AGAP1: variants seen among roughly 807,000 people sequenced by gnomAD.
The protein encoded by AGAP1 is arf-GAP with GTPase, ANK repeat and PH domain-containing protein 1.
AGAP1 carries 29 observed loss-of-function variants against 105.3 expected under a neutral mutation model. That is an observed-to-expected ratio of 0.28 (90% CI 0.21 to 0.38). The LOEUF is 0.38. Ranked by LOEUF, AGAP1 falls within the 10% of genes least tolerant of loss-of-function variation. The pLI, the probability that AGAP1 is intolerant of heterozygous loss-of-function variation, is 1.00. For missense variants in AGAP1, 998 were observed against 1,165.1 expected, an observed-to-expected ratio of 0.86 and a Z score of 2.09; for synonymous variants, 509 against 485.9, an observed-to-expected ratio of 1.05 and a Z score of -0.63.
rs1305420282 is a variant in AGAP1, at chr2:235,747,845, C to T, written c.539-2509C>T. Among the ~76,000 whole-genome samples, 1 of 152,158 alleles carries T rather than the reference C, an allele frequency of 6.6e-6. No homozygotes were observed. The highest frequency in any genetic ancestry group is 2.1e-4 in the South Asian group (1 of 4,830). ...CTTCCTGCTGCTTTGGGGTAGGCAG[C>T]GTTAGAGGTCAGAGCATATGGGATG... On this transcript the variant is annotated intron_variant, in intron 5 of 17. Coordinates refer to ENST00000304032, the MANE Select transcript of AGAP1 (RefSeq NM_001037131.3). The surrounding 1 kb of genome is among the most constrained non-coding windows in gnomAD (Gnocchi z 5.0).
chr2:236,075,659 T>A, intron 16 of AGAP1, among the ~76,000 whole-genome samples: 1 of 152,160 alleles, frequency 6.6e-6, no homozygotes, highest in Non-Finnish European at 1.5e-5. Context: ...GAGGAGCTGC[T>A]TTCTCCTCCG....
Position 235,720,235 on chromosome 2 carries a change from A to G in AGAP1, c.310+2591A>G, listed in dbSNP as rs1951312314. On this transcript the variant is annotated intron_variant, in intron 3 of 17. Coordinates refer to ENST00000304032, the MANE Select transcript of AGAP1 (RefSeq NM_001037131.3). The surrounding 1 kb of genome is among the most constrained non-coding windows in gnomAD (Gnocchi z 5.0). The stretch of plus-strand genomic sequence containing the variant: ...AGCCTGTACCTGGAAAGTGATTTCA[A>G]TTTTTGTCCAGTGAGTTAGTGTTGA... Among the ~76,000 whole-genome samples the G allele has an allele frequency of 6.6e-6, 1 of 152,146 alleles. No individual in the cohort carries two copies. The highest frequency in any genetic ancestry group is 2.4e-5 in the African/African-American group (1 of 41,442).
rs540208175 is a variant in AGAP1, at chr2:236,032,880, T to C, written c.1646-3681T>C. Among the ~76,000 whole-genome samples, 64 of 152,116 alleles carry C rather than the reference T, an allele frequency of 4.2e-4. No individual in the cohort carries two copies. The Middle Eastern group carries it at 0.01, about 24-fold the overall frequency. ...GGAGAGACAGAAATGTTGAGTGACA[T>C]AGAAGATACTAGACAAGGGAACTTT... is the stretch of plus-strand genomic sequence containing the variant. On this transcript the variant is annotated intron_variant, in intron 13 of 17. Coordinates refer to ENST00000304032, the MANE Select transcript of AGAP1 (RefSeq NM_001037131.3).
chr2:235,683,585 GA>G (rs1559346299), intron 1 of AGAP1, among the ~76,000 whole-genome samples: 2 of 151,470 alleles, frequency 1.3e-5, no homozygotes, highest in African/African-American at 4.8e-5. Flanking sequence ...TAAAATTTAG[GA>G]ATAACTTGTT....
Position 235,865,528 on chromosome 2 carries a change from A to G in AGAP1, c.1051-17817A>G, listed in dbSNP as rs978216203. On this transcript the variant is annotated intron_variant, in intron 9 of 17. Coordinates refer to ENST00000304032, the MANE Select transcript of AGAP1 (RefSeq NM_001037131.3). This position sits in a 1 kb window ranked among gnomAD's most constrained non-coding sequence, Gnocchi z 6.2. Reference sequence around the variant, plus strand: ...ACGACAGAAATATTACTCGCCGGAAAGGGGAGGGGGTCTTTGGGGAGCTGG... The same window carrying G: ...ACGACAGAAATATTACTCGCCGGAAGGGGGAGGGGGTCTTTGGGGAGCTGG... Among the ~76,000 whole-genome samples, 3 of 152,196 alleles carry G rather than the reference A, an allele frequency of 2.0e-5. No homozygotes were observed.
intron 9 of AGAP1, among the ~76,000 whole-genome samples, chr2:235,815,271 A>G (rs1422327051): frequency 6.6e-6 from 1 of 152,192 alleles, no homozygotes; most frequent in Non-Finnish European, 1.5e-5. Context: ...CTGGAGGTCC[A>G]AGACAAGGCC....
intron 1 of AGAP1, among the ~76,000 whole-genome samples, chr2:235,682,310 C>CT (rs1949120938): frequency 6.6e-6 from 1 of 151,940 alleles, no homozygotes; most frequent in South Asian, 2.1e-4. Context: ...AATGAGGCGT[C>CT]TGGAACCAGG....
chr2:235,859,604 C>G (rs542641936), intron 9 of AGAP1, among the ~76,000 whole-genome samples: 74 of 150,556 alleles, frequency 4.9e-4, no homozygotes, highest in African/African-American at 1.7e-3. Flanking sequence ...CTGACTATAC[C>G]TTAACACAAT....
Position 235,800,417 on chromosome 2 carries a change from G to A in AGAP1, c.957+895G>A, listed in dbSNP as rs188621272. Among the ~76,000 whole-genome samples, 123 of 152,170 alleles carry A rather than the reference G, an allele frequency of 8.1e-4. 1 individual carries two copies. In the East Asian group the frequency reaches 0.019, roughly 24 times the overall value. ...TGCACAGCCAGCATGTGAAGTGCTT[G>A]AAAACTCCCTGGGTGATTGAGATGC... On this transcript the variant is annotated intron_variant, in intron 8 of 17. Transcript: ENST00000304032.
Position 235,864,780 on chromosome 2 carries a change from C to G in AGAP1, c.1051-18565C>G, listed in dbSNP as rs957726557. Among the ~76,000 whole-genome samples, 2 of 151,992 alleles carry G rather than the reference C, an allele frequency of 1.3e-5. No individual in the cohort carries two copies. The highest frequency in any genetic ancestry group is 4.8e-5 in the African/African-American group (2 of 41,384). ...GTTTCCTTTTCCTTTTCTTTTCTTT[C>G]CTTTGGATGGAGGAGGTTTGGTTTG... On this transcript the variant is annotated intron_variant, in intron 9 of 17. Coordinates refer to ENST00000304032, the MANE Select transcript of AGAP1 (RefSeq NM_001037131.3). This position sits in a 1 kb window ranked among gnomAD's most constrained non-coding sequence, Gnocchi z 5.0.
At position 235,627,681 on chromosome 2, in the gene AGAP1, T is replaced by C. The variant is rs574003051; in HGVS notation, c.164-81498T>C. 3.9e-5 allele frequency among the ~76,000 whole-genome samples: 6 copies of C among 152,168 alleles called. No individual in the cohort carries two copies. The South Asian group carries it at 6.2e-4, about 16-fold the overall frequency. ...TCTGTGTCCCCCAGATTGCCCAGGA[T>C]AGTAATAGTAAAATGCCTCGTCCCC... On this transcript the variant is annotated intron_variant, in intron 1 of 17. Transcript: ENST00000304032.
In AGAP1 at chr2:235,737,834, C is replaced by A. The variant is rs1952340882; in HGVS notation, c.311-3129C>A. Among the ~76,000 whole-genome samples the A allele has an allele frequency of 6.6e-6, 1 of 152,070 alleles. No individual in the cohort carries two copies. The highest frequency in any genetic ancestry group is 1.5e-5 in the Non-Finnish European group (1 of 68,020). On this transcript the variant is annotated intron_variant, in intron 3 of 17. Transcript: ENST00000304032. The surrounding 1 kb of genome is among the most constrained non-coding windows in gnomAD (Gnocchi z 4.5). Reference sequence around the variant, plus strand: ...CTCCCTTCTTGCTCTGGAGGTGACACAGTCTAGGGATCTAGTGAGGAATGG... The same window carrying A: ...CTCCCTTCTTGCTCTGGAGGTGACAAAGTCTAGGGATCTAGTGAGGAATGG...
At chr2:236,057,364 C>T (rs186205519) in intron 16 of AGAP1, among the ~76,000 whole-genome samples, 2 of 152,332 alleles carry the variant, frequency 1.3e-5, no homozygotes, top group Admixed American at 1.3e-4. Flanking sequence ...CTGCCTTGGC[C>T]CCCCAAAGTG....
At chr2:235,856,192 G>A (rs1302096177) in intron 9 of AGAP1, among the ~76,000 whole-genome samples, 2 of 152,188 alleles carry the variant, frequency 1.3e-5, no homozygotes, top group African/African-American at 4.8e-5. Context: ...GATTACAGGC[G>A]TGAGCCACCG....
In AGAP1 at chr2:235,901,778, C is replaced by G. The variant is rs1246209281; in HGVS notation, c.1156-6960C>G. ...CCTGTAATCCCAGCTACTCAGGAGG[C>G]TGAGGCAGTAGAATCACTTGAACCC... On this transcript the variant is annotated intron_variant, in intron 10 of 17. Coordinates refer to ENST00000304032, the MANE Select transcript of AGAP1 (RefSeq NM_001037131.3). This position sits in a 1 kb window ranked among gnomAD's most constrained non-coding sequence, Gnocchi z 4.3. Among the ~76,000 whole-genome samples, 1 of 151,832 alleles carries G rather than the reference C, an allele frequency of 6.6e-6. No individual in the cohort carries two copies. Among genetic ancestry groups the G allele is most frequent in the Non-Finnish European group, 1.5e-5 (1 of 67,984 alleles).
chr2:236,006,981 A>G (rs2056342963), intron 13 of AGAP1, among the ~76,000 whole-genome samples: 2 of 152,324 alleles, frequency 1.3e-5, no homozygotes, highest in East Asian at 1.9e-4. Flanking sequence ...CCAGATTAAT[A>G]ATGACCTTGT....
rs1159183450 is a variant in AGAP1, at chr2:236,051,590, A to G, written c.2114+2309A>G. On this transcript the variant is annotated intron_variant, in intron 16 of 17. Transcript: ENST00000304032. The surrounding 1 kb of genome is among the most constrained non-coding windows in gnomAD (Gnocchi z 5.9). The stretch of plus-strand genomic sequence containing the variant: ...AGGTGTGCCTGTCGGCGAGTACAGC[A>G]CCGTGGACGGGAGCCTCCCATGAAT... 6.6e-6 allele frequency among the ~76,000 whole-genome samples: 1 copy of G among 152,038 alleles called. No homozygotes were observed. Among genetic ancestry groups the G allele is most frequent in the Non-Finnish European group, 1.5e-5 (1 of 68,014 alleles).
chr2:235,563,368 G>A (rs1944230327), intron 1 of AGAP1, among the ~76,000 whole-genome samples: 1 of 152,164 alleles, frequency 6.6e-6, no homozygotes, highest in Admixed American at 6.5e-5. Flanking sequence ...AGATCACACT[G>A]CCGTGCCTCT....
In AGAP1 at chr2:235,719,282, C is replaced by T. The variant is rs1052324783; in HGVS notation, c.310+1638C>T. On this transcript the variant is annotated intron_variant, in intron 3 of 17. Coordinates refer to ENST00000304032, the MANE Select transcript of AGAP1 (RefSeq NM_001037131.3). This position sits in a 1 kb window ranked among gnomAD's most constrained non-coding sequence, Gnocchi z 4.9. The stretch of plus-strand genomic sequence containing the variant: ...GTTTCTGGAGTAAGAACAAGGACCA[C>T]GACTCACTCATGGTGGCCTTTCTGC... Among the ~76,000 whole-genome samples the T allele has an allele frequency of 2.6e-5, 4 of 152,148 alleles. No homozygotes were observed. The highest frequency in any genetic ancestry group is 7.2e-5 in the African/African-American group (3 of 41,418).
Sources: allele counts gnomAD v4.1 joint callset (sites outside exome capture counted in the v4.1 genomes callset), GRCh38; gene constraint gnomAD v4.1.1; non-coding constraint Gnocchi (gnomAD v3.1); transcripts MANE v1.5; gene names NCBI Gene and HGNC (gene_info 2026-07-23, HGNC 2026-07-21).